EFHC1: variants seen among roughly 807,000 people sequenced by gnomAD.
EFHC1 encodes EF-hand domain-containing protein 1.
A neutral mutation model predicts 69.9 loss-of-function variants in EFHC1; 53 were observed. The observed-to-expected ratio is 0.76, with a 90% CI of 0.61 to 0.95. The LOEUF (loss-of-function observed/expected upper bound fraction) is 0.95, where lower values mean the gene tolerates loss of function less well. Ranked by LOEUF, EFHC1 falls within the 40% of genes least tolerant of loss-of-function variation. The probability of loss-of-function intolerance (pLI) is 0.00; values close to 1 mark genes in which losing one functional copy is unlikely to be tolerated. For missense variants in EFHC1, 739 were observed against 798.7 expected, an observed-to-expected ratio of 0.93 and a Z score of 0.90; for synonymous variants, 256 against 278.4, an observed-to-expected ratio of 0.92 and a Z score of 0.80.
chr6:52,468,094 G>T (rs1765350246), intron 6 of EFHC1, among the ~76,000 whole-genome samples: 1 of 152,176 alleles, frequency 6.6e-6, no homozygotes, highest in African/African-American at 2.4e-5. Context: ...TTTCTGTCAG[G>T]CTGGCTCCAT....
At chr6:52,422,058 G>A (rs953935943) in intron 1 of EFHC1, among the ~76,000 whole-genome samples, 8 of 152,132 alleles carry the variant, frequency 5.3e-5, no homozygotes, top group Admixed American at 1.3e-4. Flanking sequence ...CAGCAGTGAA[G>A]GACTGAATAT....
At chr6:52,430,164 G>C (rs1562444076) in intron 2 of EFHC1, 1 of 152,138 alleles carries the variant, frequency 6.6e-6, no homozygotes. Flanking sequence ...AACAGTGACA[G>C]TTTGACTTCT....
chr6:52,451,251 G>A (rs1279974540), intron 3 of EFHC1, among the ~76,000 whole-genome samples: 1 of 152,176 alleles, frequency 6.6e-6, no homozygotes, highest in African/African-American at 2.4e-5. Context: ...GTGTACTTGT[G>A]TGTTTTGTAT....
chr6:52,438,597 G>C lies in EFHC1; in HGVS notation c.573+6G>C. The C allele has an allele frequency of 6.2e-7, 1 of 1,613,856 alleles. No individual in the cohort carries two copies. The highest frequency in any genetic ancestry group is 8.5e-7 in the Non-Finnish European group (1 of 1,179,840). On this transcript the variant is annotated splice_donor_region_variant and intron_variant, in intron 3 of 10. Coordinates refer to ENST00000371068, the MANE Select transcript of EFHC1 (RefSeq NM_018100.4). The stretch of plus-strand genomic sequence containing the variant: ...ACTGTGACCAATTCACACAGGTATA[G>C]CATATATTTTTGAAAGTTGTGGGGT...
chr6:52,425,759 G>A (rs567128387), intron 2 of EFHC1, among the ~76,000 whole-genome samples: 1 of 152,246 alleles, frequency 6.6e-6, no homozygotes, highest in East Asian at 1.9e-4. Context: ...GGGAATTATG[G>A]TTTCTCTGAA....
At position 52,495,579 on chromosome 6, in the gene EFHC1, T is replaced by C. The variant is rs540821249; in HGVS notation, c.*3238T>C. ...GCATCCTCTAGCCTGCTTTTGGCTG[T>C]TTTGTTTTGTTTTTGTGTTTGTTTT... is the stretch of plus-strand genomic sequence containing the variant. On this transcript the variant is annotated 3_prime_UTR_variant, in exon 11 of 11. Coordinates refer to ENST00000371068, the MANE Select transcript of EFHC1 (RefSeq NM_018100.4). 14 of 453,970 alleles carry C rather than the reference T, an allele frequency of 3.1e-5. No individual in the cohort carries two copies. The highest frequency in any genetic ancestry group is 6.0e-5 in the African/African-American group (3 of 50,098). 28.1% of individuals were successfully genotyped at this position (453,970 alleles called of 1,614,324 possible).
rs944506835 is a variant in EFHC1, at chr6:52,493,859, A to G, written c.*1518A>G. On this transcript the variant is annotated 3_prime_UTR_variant, in exon 11 of 11. Coordinates refer to ENST00000371068, the MANE Select transcript of EFHC1 (RefSeq NM_018100.4). ...CGAAGCCACCCAAAATGTGGTATGA[A>G]TGAGGATAGAGTTACACAGAATTCA... 5 of 453,970 alleles carry G rather than the reference A, an allele frequency of 1.1e-5. No individual in the cohort carries two copies. The highest frequency in any genetic ancestry group is 1.8e-5 in the Non-Finnish European group (4 of 226,796). 28.1% of individuals were successfully genotyped at this position (453,970 alleles called of 1,614,324 possible).
intron 10 of EFHC1, chr6:52,490,824 G>T: frequency 5.5e-6 from 1 of 181,636 alleles, no homozygotes; most frequent in Non-Finnish European, 1.2e-5. Flanking sequence ...AGCTGATGGA[G>T]GAAGGGCATG....
chr6:52,485,302 A>G (rs1176930533), intron 9 of EFHC1: 1 of 152,200 alleles, frequency 6.6e-6, no homozygotes, highest in Non-Finnish European at 1.5e-5. Context: ...TCAGCATACC[A>G]CTAATTAAAT....
chr6:52,445,213 G>A (rs574001068), intron 3 of EFHC1, among the ~76,000 whole-genome samples: 8 of 150,222 alleles, frequency 5.3e-5, no homozygotes, highest in East Asian at 1.9e-4. Flanking sequence ...TCTTGCTAGC[G>A]GTCTATCAGT....
Position 52,493,749 on chromosome 6 carries a change from TCTGA to T in EFHC1, c.*1412_*1415del. ...TTGCAGTTACTATTCTCTGGTGAGC[TCTGA>T]CTGGCTTTTTACAAACAGGGCTTCT... On this transcript the variant is annotated 3_prime_UTR_variant, in exon 11 of 11. Coordinates refer to ENST00000371068, the MANE Select transcript of EFHC1 (RefSeq NM_018100.4). 2.2e-6 allele frequency: 1 copy of T among 454,032 alleles called. No homozygotes were observed. Among genetic ancestry groups the T allele is most frequent in the South Asian group, 1.6e-5 (1 of 64,464 alleles). 28.1% of individuals were successfully genotyped at this position (454,032 alleles called of 1,614,324 possible). A position where few individuals can be genotyped will look rare whatever the true frequency, so the allele number is the denominator to read the frequency against.
chr6:52,443,399 T>C (rs553473991), intron 3 of EFHC1, among the ~76,000 whole-genome samples: 2 of 152,354 alleles, frequency 1.3e-5, no homozygotes, highest in East Asian at 3.9e-4. Flanking sequence ...TAGGTTTTCT[T>C]CTAGGGTGTT....
At chr6:52,459,632 G>A (rs543980901) in intron 5 of EFHC1, among the ~76,000 whole-genome samples, 1 of 152,264 alleles carries the variant, frequency 6.6e-6, no homozygotes. Context: ...AAACAACCAC[G>A]TTGAAAAATA....
chr6:52,420,762 C>T (rs999070867), intron 1 of EFHC1, among the ~76,000 whole-genome samples: 2 of 152,218 alleles, frequency 1.3e-5, no homozygotes, highest in African/African-American at 4.8e-5. Flanking sequence ...TAGCCGCGTT[C>T]TTTCTTACGG....
chr6:52,471,531 A>G (rs576117318), intron 7 of EFHC1, among the ~76,000 whole-genome samples: 75 of 152,328 alleles, frequency 4.9e-4, no homozygotes, highest in African/African-American at 1.7e-3. Flanking sequence ...ATAAGAGACA[A>G]TAGAATATAC....
chr6:52,482,911 A>G (rs1307182278), intron 9 of EFHC1: 4 of 398,520 alleles, frequency 1.0e-5, no homozygotes, highest in Non-Finnish European at 1.8e-5. Context: ...CACTTCTTGC[A>G]TCTTTGCTGT....
At chr6:52,432,964 GT>G (rs1764447578) in intron 2 of EFHC1, among the ~76,000 whole-genome samples, 1 of 151,782 alleles carries the variant, frequency 6.6e-6, no homozygotes, top group Non-Finnish European at 1.5e-5. Flanking sequence ...TCTTCTGCTT[GT>G]TTGATTCTAT....
chr6:52,476,762 CT>C (rs1765553597), intron 7 of EFHC1, among the ~76,000 whole-genome samples: 1 of 110,652 alleles, frequency 9.0e-6, no homozygotes, highest in Non-Finnish European at 2.4e-5. Context: ...GAGGAACTAT[CT>C]ATCACATATT....
At chr6:52,449,407 CTCT>C (rs1245491217) in intron 3 of EFHC1, among the ~76,000 whole-genome samples, 2 of 151,746 alleles carry the variant, frequency 1.3e-5, no homozygotes, top group African/African-American at 2.4e-5. Context: ...ATAGTACCAG[CTCT>C]TCTTTGTATA....
Sources: allele counts gnomAD v4.1 joint callset (sites outside exome capture counted in the v4.1 genomes callset), GRCh38; gene constraint gnomAD v4.1.1; transcripts MANE v1.5; gene names NCBI Gene and HGNC (gene_info 2026-07-23, HGNC 2026-07-21).